The following PAFAH1B1 variants were observed in gnomAD, a reference collection of about 807,000 sequenced individuals.
PAFAH1B1 encodes platelet activating factor acetylhydrolase 1b regulatory subunit 1, also known as platelet-activating factor acetylhydrolase IB subunit beta.
PAFAH1B1 carries 2 observed loss-of-function variants against 57.5 expected under a neutral mutation model. The ratio of observed to expected loss-of-function variants is 0.03; its 90% CI spans 0.01 to 0.11. The LOEUF is 0.11. Ranked by LOEUF, PAFAH1B1 falls within the 10% of genes least tolerant of loss-of-function variation. PAFAH1B1 has a pLI of 1.00. For synonymous variants in PAFAH1B1, 152 were observed against 169.6 expected, an observed-to-expected ratio of 0.90 and a Z score of 0.81; for missense variants, 257 against 512.0, an observed-to-expected ratio of 0.50 and a Z score of 4.81.
intron 1 of PAFAH1B1, among the ~76,000 whole-genome samples, 163 bp downstream of exon 1, chr17:2,594,169 T>A (rs1300468571): frequency 6.6e-6 from 1 of 151,396 alleles, no homozygotes; most frequent in Non-Finnish European, 1.5e-5. Flanking sequence ...TCTTCTCTCC[T>A]CGCTCTCAAA....
chr17:2,675,007 CTT>C (rs1303504658), intron 8 of PAFAH1B1, among the ~76,000 whole-genome samples: 1 of 151,986 alleles, frequency 6.6e-6, no homozygotes, highest in Non-Finnish European at 1.5e-5. Context: ...TGGTCTAAAA[CTT>C]TTGTTTGTTT....
intron 9 of PAFAH1B1, among the ~76,000 whole-genome samples, chr17:2,677,057 G>T (rs1194378099): frequency 1.3e-5 from 2 of 152,130 alleles, no homozygotes; most frequent in African/African-American, 2.4e-5. Context: ...GGAGGCTGAG[G>T]CAGGAGAATG....
At chr17:2,613,677 C>G in intron 1 of PAFAH1B1, 1 of 284,690 alleles carries the variant, frequency 3.5e-6, no homozygotes, top group Non-Finnish European at 7.2e-6. Context: ...CGCCCCTCCG[C>G]GAAGCTGCAG....
At chr17:2,662,741 A>C (rs1399810800) in intron 2 of PAFAH1B1, among the ~76,000 whole-genome samples, 1 of 151,624 alleles carries the variant, frequency 6.6e-6, no homozygotes, top group Non-Finnish European at 1.5e-5. Flanking sequence ...GTTTTGGTCT[A>C]CTCCATTTTA....
intron 1 of PAFAH1B1, among the ~76,000 whole-genome samples, chr17:2,610,000 T>C (rs1163318273): frequency 6.6e-6 from 1 of 152,216 alleles, no homozygotes; most frequent in African/African-American, 2.4e-5. Context: ...AATTTTTGTA[T>C]TTTTAGTAGA....
chr17:2,642,652 A>G (rs1189035320), intron 2 of PAFAH1B1, among the ~76,000 whole-genome samples: 1 of 152,170 alleles, frequency 6.6e-6, no homozygotes, highest in African/African-American at 2.4e-5. Context: ...TGTTTCCCTC[A>G]TACTTCCACG....
chr17:2,636,164 A>T (rs186077652), intron 1 of PAFAH1B1, among the ~76,000 whole-genome samples: 2 of 152,206 alleles, frequency 1.3e-5, no homozygotes, highest in African/African-American at 4.8e-5. Flanking sequence ...GTTGTTAAGT[A>T]CCAAAGAAGT....
At chr17:2,621,615 T>G (rs1202520820) in intron 1 of PAFAH1B1, among the ~76,000 whole-genome samples, 4 of 41,918 alleles carry the variant, frequency 9.5e-5, no homozygotes, top group Admixed American at 2.2e-4. Context: ...GTCTTTTTTT[T>G]TTTTTTTTTT....
At chr17:2,667,298 C>T (rs2069119194) in intron 5 of PAFAH1B1, 100 bp downstream of exon 5, 2 of 828,310 alleles carry the variant, frequency 2.4e-6, no homozygotes, top group African/African-American at 1.7e-5. Context: ...TGCACCACTG[C>T]ACTCCAGCCT....
intron 1 of PAFAH1B1, among the ~76,000 whole-genome samples, chr17:2,617,165 G>A (rs1007163627): frequency 5.3e-5 from 8 of 152,138 alleles, no homozygotes; most frequent in African/African-American, 1.7e-4. Flanking sequence ...TGATTTCAAA[G>A]CCCCAAAACT....
At chr17:2,594,632 C>T (rs1410932955) in intron 1 of PAFAH1B1, among the ~76,000 whole-genome samples, 5 of 152,238 alleles carry the variant, frequency 3.3e-5, no homozygotes, top group African/African-American at 4.8e-5. Context: ...CCAGCCTCAG[C>T]ACCCGCCGAG....
At chr17:2,596,429 A>G (rs1027581041) in intron 1 of PAFAH1B1, among the ~76,000 whole-genome samples, 7 of 152,214 alleles carry the variant, frequency 4.6e-5, no homozygotes, top group Non-Finnish European at 8.8e-5. Flanking sequence ...AATTTGCATG[A>G]AAGCCCCTTC....
chr17:2,605,674 C>G (rs1394034210), intron 1 of PAFAH1B1, among the ~76,000 whole-genome samples: 2 of 152,104 alleles, frequency 1.3e-5, no homozygotes, highest in African/African-American at 4.8e-5. Flanking sequence ...TCCAGGCAGT[C>G]TTTTCTAATT....
In PAFAH1B1 at chr17:2,613,369, G is replaced by A. The variant is rs557474710; in HGVS notation, c.-191+19363G>A. 45 of 235,750 alleles carry A rather than the reference G, an allele frequency of 1.9e-4. 3 individuals are homozygous for A. The South Asian group carries it at 4.4e-3, about 23-fold the overall frequency. The allele number at this position is 235,750 out of a possible 1,614,324, so 14.6% of individuals were successfully genotyped here. A position where few individuals can be genotyped will look rare whatever the true frequency, so the allele number is the denominator to read the frequency against. ...TGGGCGAAGCTCAGCCGGCAGGGCC[G>A]TGGCCCCCTTCATAGGGGGAGGTGG... On this transcript the variant is annotated intron_variant, in intron 1 of 10. Transcript: ENST00000397195.
At chr17:2,594,711 G>A (rs2068065597) in intron 1 of PAFAH1B1, among the ~76,000 whole-genome samples, 1 of 152,208 alleles carries the variant, frequency 6.6e-6, no homozygotes, top group Admixed American at 6.5e-5. Flanking sequence ...TTTTCTTTCT[G>A]CCACCGGCTC....
intron 7 of PAFAH1B1, among the ~76,000 whole-genome samples, chr17:2,673,476 A>G (rs2069211486): frequency 1.3e-5 from 2 of 152,000 alleles, no homozygotes; most frequent in Non-Finnish European, 2.9e-5. Flanking sequence ...CGTCTCTACT[A>G]AAAATACAAA....
chr17:2,613,765 G>A (rs983109003), intron 1 of PAFAH1B1: 5 of 307,970 alleles, frequency 1.6e-5, no homozygotes, highest in South Asian at 4.0e-5. Flanking sequence ...CCCCTGTGGC[G>A]CTGGGCCAGG....
chr17:2,631,109 C>T lies in PAFAH1B1; in HGVS notation c.-190-6990C>T, dbSNP rs1597535332. Among the ~76,000 whole-genome samples, 4 of 152,076 alleles carry T rather than the reference C, an allele frequency of 2.6e-5. No homozygotes were observed. In the South Asian group the frequency reaches 6.2e-4, roughly 24 times the overall value. On this transcript the variant is annotated intron_variant, in intron 1 of 10. Coordinates refer to ENST00000397195, the MANE Select transcript of PAFAH1B1 (RefSeq NM_000430.4). ...TACAAAAATTAGCCAGGCGTGGTGG[C>T]GTGTGCTTGTAATCCCAGCTACTCA...
At chr17:2,672,837 A>G (rs1399056522) in intron 7 of PAFAH1B1, 80 bp downstream of exon 7, 1 of 843,986 alleles carries the variant, frequency 1.2e-6, no homozygotes, top group South Asian at 1.4e-5. Context: ...TGGGAGGCCA[A>G]GGTGGGCAGA....
Sources: allele counts gnomAD v4.1 joint callset (sites outside exome capture counted in the v4.1 genomes callset), GRCh38; gene constraint gnomAD v4.1.1; transcripts MANE v1.5; gene names NCBI Gene and HGNC (gene_info 2026-07-23, HGNC 2026-07-21).